The following TPD52 variants were observed in gnomAD, a reference collection of about 807,000 sequenced individuals.
TPD52 encodes prostate and colon associated protein.
Under a neutral mutation model 31.3 loss-of-function variants are expected in TPD52, and 17 were observed. The observed-to-expected ratio is 0.54, with a 90% CI of 0.37 to 0.82. The LOEUF (loss-of-function observed/expected upper bound fraction) is 0.82. Among genes scored for constraint, TPD52 ranks in the 40% least tolerant of loss-of-function variants. The pLI is 0.00. For missense variants in TPD52, 212 were observed against 240.1 expected (o/e 0.88, Z 0.77); for synonymous variants, 83 against 89.6 (o/e 0.93, Z 0.42).
intron 1 of TPD52, among the ~76,000 whole-genome samples, chr8:80,165,246 G>T (rs370607602): frequency 6.6e-6 from 1 of 152,184 alleles, no homozygotes. Context: ...GAAAGCAAAC[G>T]CTCGCACATG....
At chr8:80,086,849 G>A (rs1815819471) in intron 1 of TPD52, among the ~76,000 whole-genome samples, 1 of 121,288 alleles carries the variant, frequency 8.2e-6, no homozygotes, top group Non-Finnish European at 1.6e-5. Flanking sequence ...ATCCCAGCCT[G>A]GGCAACAAGA....
intron 1 of TPD52, among the ~76,000 whole-genome samples, chr8:80,065,349 G>A (rs1179126053): frequency 6.6e-6 from 1 of 150,572 alleles, no homozygotes; most frequent in East Asian, 1.9e-4. Context: ...AGAATACTAA[G>A]GTATATGTTC....
Position 80,064,596 on chromosome 8 carries a change from G to A in TPD52, c.20-3C>T, listed in dbSNP as rs1228371295. The A allele has an allele frequency of 6.8e-6, 11 of 1,610,126 alleles. No individual in the cohort carries two copies. Among genetic ancestry groups the A allele is most frequent in the Non-Finnish European group, 8.5e-6 (10 of 1,176,526 alleles). The stretch of plus-strand genomic sequence containing the variant: ...GACTGGGTCTGTTCTCAGCAGACCT[G>A]GTTGGGGATTTAAACCATTTTTTAA... On this transcript the variant is annotated splice_region_variant and splice_polypyrimidine_tract_variant and intron_variant, in intron 1 of 7. Coordinates refer to ENST00000518937, the MANE Select transcript of TPD52 (RefSeq NM_001025253.3).
At chr8:80,067,059 T>A (rs1813236187) in intron 1 of TPD52, 1 of 152,154 alleles carries the variant, frequency 6.6e-6, no homozygotes, top group Non-Finnish European at 1.5e-5. Context: ...GCAAATCTAC[T>A]CAAACAAGGG....
At chr8:80,121,977 A>G (rs572300157) in intron 1 of TPD52, among the ~76,000 whole-genome samples, 5 of 149,654 alleles carry the variant, frequency 3.3e-5, no homozygotes, top group South Asian at 2.1e-4. Context: ...TCTACTTCAC[A>G]TTTTTTTCTA....
intron 1 of TPD52, among the ~76,000 whole-genome samples, chr8:80,081,156 C>CTTTTTTTTTTTTTTTTTTTTT: frequency 9.1e-6 from 1 of 109,396 alleles, no homozygotes; most frequent in Non-Finnish European, 1.8e-5. Flanking sequence ...TTTTCTCTCT[C>CTTTTTTTTTTTTTTTTTTTTT]TTTTTTTTTT....
chr8:80,050,924 G>A (rs73691138), intron 4 of TPD52, among the ~76,000 whole-genome samples: 2,738 of 150,788 alleles, frequency 0.018, 87 homozygotes, highest in African/African-American at 0.063. Flanking sequence ...TAATCCACAT[G>A]AGTGAAGGGG....
At chr8:80,097,538 TAA>T (rs993515302) in intron 1 of TPD52, among the ~76,000 whole-genome samples, 6 of 152,166 alleles carry the variant, frequency 3.9e-5, no homozygotes, top group African/African-American at 1.4e-4. Flanking sequence ...TCTGATTGTT[TAA>T]AAGTGTGTAA....
intron 5 of TPD52, 176 bp downstream of exon 5, chr8:80,050,269 G>A: frequency 2.1e-6 from 1 of 469,886 alleles, no homozygotes. Flanking sequence ...AACTACCCAT[G>A]GTATACAAGA....
intron 1 of TPD52, among the ~76,000 whole-genome samples, chr8:80,101,530 A>G (rs1226487669): frequency 2.6e-5 from 4 of 150,960 alleles, no homozygotes; most frequent in Non-Finnish European, 5.9e-5. Flanking sequence ...AATAACTGAG[A>G]GTGGGTAATT....
intron 1 of TPD52, among the ~76,000 whole-genome samples, chr8:80,118,267 A>G (rs1450501264): frequency 6.6e-6 from 1 of 152,214 alleles, no homozygotes. Context: ...GCAAAAGAAT[A>G]AAACTGGACC....
chr8:80,090,151 G>A (rs1031749105), intron 1 of TPD52, among the ~76,000 whole-genome samples: 1 of 152,174 alleles, frequency 6.6e-6, no homozygotes. Context: ...CAGAACTCTG[G>A]GAGGCTGAGG....
At chr8:80,058,255 C>T (rs1006329924) in intron 2 of TPD52, among the ~76,000 whole-genome samples, 5 of 152,002 alleles carry the variant, frequency 3.3e-5, no homozygotes, top group Admixed American at 1.3e-4. Flanking sequence ...TATCCTAAAG[C>T]GCTAATTAAA....
intron 1 of TPD52, among the ~76,000 whole-genome samples, chr8:80,073,611 C>A (rs1047459101): frequency 6.6e-6 from 1 of 152,220 alleles, no homozygotes; most frequent in Non-Finnish European, 1.5e-5. Context: ...TGGCACACAG[C>A]AGATGCGTGT....
chr8:80,098,704 ATAT>A (rs1323965617), intron 1 of TPD52, among the ~76,000 whole-genome samples: 3 of 152,264 alleles, frequency 2.0e-5, no homozygotes, highest in Non-Finnish European at 4.4e-5. Context: ...AGAATTTAGA[ATAT>A]TACATAAACT....
chr8:80,055,001 T>C (rs186812433), intron 2 of TPD52, among the ~76,000 whole-genome samples: 3 of 152,354 alleles, frequency 2.0e-5, no homozygotes, highest in African/African-American at 7.2e-5. Flanking sequence ...AAACAAATAA[T>C]GTAGGAACCA....
At chr8:80,133,000 TTC>T (rs1252616095) in intron 1 of TPD52, among the ~76,000 whole-genome samples, 1 of 152,202 alleles carries the variant, frequency 6.6e-6, no homozygotes, top group Non-Finnish European at 1.5e-5. Flanking sequence ...GCCATAATGC[TTC>T]TGATGCTGAT....
Position 80,035,904 on chromosome 8 carries a change from A to G in TPD52, c.*2212T>C, listed in dbSNP as rs2130306371. Reference sequence around the variant, plus strand: ...AATTACTATGTTTCTCATTCTTTAAATATCTGTGAATTCATAATATTGAAT... The same window carrying G: ...AATTACTATGTTTCTCATTCTTTAAGTATCTGTGAATTCATAATATTGAAT... On this transcript the variant is annotated 3_prime_UTR_variant, in exon 8 of 8. Coordinates refer to ENST00000518937, the MANE Select transcript of TPD52 (RefSeq NM_001025253.3). The G allele has an allele frequency of 6.6e-6, 1 of 152,340 alleles. No homozygotes were observed. Among genetic ancestry groups the G allele is most frequent in the East Asian group, 1.9e-4 (1 of 5,188 alleles). The allele number at this position is 152,340 out of a possible 1,614,324, so 9.4% of individuals were successfully genotyped here.
In TPD52 at chr8:80,037,331, G is replaced by A. The variant is rs1344453677; in HGVS notation, c.*785C>T. On this transcript the variant is annotated 3_prime_UTR_variant, in exon 8 of 8. Coordinates refer to ENST00000518937, the MANE Select transcript of TPD52 (RefSeq NM_001025253.3). ...CATAGTTCAACCTACTGAACATACA[G>A]TGTGCTTGATTCAGAATGTTATTTT... 1 of 152,230 alleles carries A rather than the reference G, an allele frequency of 6.6e-6. No individual in the cohort carries two copies. Among genetic ancestry groups the A allele is most frequent in the Admixed American group, 6.5e-5 (1 of 15,276 alleles). 9.4% of individuals were successfully genotyped at this position (152,230 alleles called of 1,614,324 possible). A position where few individuals can be genotyped will look rare whatever the true frequency, so the allele number is the denominator to read the frequency against.
Sources: gnomAD v4.1 joint callset for allele counts (sites outside exome capture counted in the v4.1 genomes callset) on GRCh38, gnomAD v4.1.1 for gene constraint, MANE v1.5 for transcripts, NCBI Gene and HGNC (gene_info 2026-07-23, HGNC 2026-07-21) for gene names.